Variants in PVR observed in about 807,000 individuals in gnomAD.
PVR encodes PVR cell adhesion molecule, also known as poliovirus receptor.
Under a neutral mutation model 43.3 loss-of-function variants are expected in PVR, and 39 were observed. That is an observed-to-expected ratio of 0.90 (90% CI 0.70 to 1.18). The LOEUF is 1.18. Among genes scored for constraint, PVR ranks in the 50% most tolerant of loss-of-function variants. The probability of loss-of-function intolerance (pLI) is 0.00; values close to 1 mark genes in which losing one functional copy is unlikely to be tolerated. For missense variants in PVR, 480 were observed against 549.7 expected, an observed-to-expected ratio of 0.87 and a Z score of 1.27; for synonymous variants, 224 against 233.2, an observed-to-expected ratio of 0.96 and a Z score of 0.36.
chr19:44,648,334 A>C (rs931935539), intron 2 of PVR, among the ~76,000 whole-genome samples: 3 of 152,166 alleles, frequency 2.0e-5, no homozygotes, highest in African/African-American at 7.2e-5. Context: ...ACAGGAAAGC[A>C]AGGATCCTGA....
At chr19:44,645,018 T>A (rs1267133798) in intron 1 of PVR, among the ~76,000 whole-genome samples, 2 of 112,530 alleles carry the variant, frequency 1.8e-5, no homozygotes, top group East Asian at 4.7e-4. Context: ...ATATATAATA[T>A]ATATTATAGT....
chr19:44,645,962 C>T (rs954450550), intron 1 of PVR, among the ~76,000 whole-genome samples: 2 of 152,078 alleles, frequency 1.3e-5, no homozygotes, highest in African/African-American at 4.8e-5. Flanking sequence ...CAGTCTCTGA[C>T]CGCCCAAGTT....
In PVR at chr19:44,655,098, T is replaced by A. The variant is rs567104214; in HGVS notation, c.842+1081T>A. On this transcript the variant is annotated intron_variant, in intron 4 of 7. Coordinates refer to ENST00000425690, the MANE Select transcript of PVR (RefSeq NM_006505.5). ...TTACATAATTTTACTGAACCGCCCT[T>A]TTTTTTTAAAGAAGGGGCTCTGTTG... Among the ~76,000 whole-genome samples the A allele has an allele frequency of 9.2e-5, 14 of 151,876 alleles. 1 individual carries two copies. The South Asian group carries it at 2.9e-3, about 32-fold the overall frequency.
At chr19:44,656,850 G>A (rs1191363439) in intron 4 of PVR, among the ~76,000 whole-genome samples, 1 of 152,162 alleles carries the variant, frequency 6.6e-6, no homozygotes, top group African/African-American at 2.4e-5. Context: ...GCATGCACCT[G>A]TAGTCCCAGC....
intron 4 of PVR, among the ~76,000 whole-genome samples, chr19:44,656,965 G>A (rs1384371224): frequency 2.7e-5 from 4 of 150,912 alleles, no homozygotes; most frequent in South Asian, 4.2e-4. Flanking sequence ...AGAGTGAGAC[G>A]CTGTCTCAAA....
At chr19:44,654,531 C>T (rs914470430) in intron 4 of PVR, among the ~76,000 whole-genome samples, 3 of 152,166 alleles carry the variant, frequency 2.0e-5, no homozygotes, top group Non-Finnish European at 4.4e-5. Flanking sequence ...GCTCTGTGCC[C>T]GGTACTTCCC....
intron 3 of PVR, among the ~76,000 whole-genome samples, 178 bp downstream of exon 3, chr19:44,650,283 C>T (rs1973244883): frequency 6.6e-6 from 1 of 152,324 alleles, no homozygotes; most frequent in African/African-American, 2.4e-5. Context: ...CCGTAAACAA[C>T]ACTGTCCCTA....
At chr19:44,657,049 G>A (rs1219850970) in intron 4 of PVR, among the ~76,000 whole-genome samples, 2 of 152,186 alleles carry the variant, frequency 1.3e-5, no homozygotes, top group Non-Finnish European at 2.9e-5. Context: ...GGGTGGCCAA[G>A]TGAGGTGTTA....
chr19:44,649,931 GGCGGGATGCCCAATACGA>G lies in PVR; in HGVS notation c.553_570del (p.Gly185_Ser190del). The G allele has an allele frequency of 1.2e-6, 2 of 1,612,832 alleles. No homozygotes were observed. Among genetic ancestry groups the G allele is most frequent in the Non-Finnish European group, 1.7e-6 (2 of 1,179,314 alleles). ...CCAAATCACCTGGCACTCAGACCTG[GGCGGGATGCCCAATACGA>G]GCCAGGTGCCAGGGTTCCTGTCTGG... is the stretch of plus-strand genomic sequence containing the variant. On this transcript the variant is annotated inframe_deletion, in exon 3 of 8. Transcript: ENST00000425690.
In PVR at chr19:44,664,204, G is replaced by GTTA. The variant is rs1555766538; in HGVS notation, c.*2395_*2396insATT. On this transcript the variant is annotated 3_prime_UTR_variant, in exon 8 of 8. Coordinates refer to ENST00000425690, the MANE Select transcript of PVR (RefSeq NM_006505.5). ...GTGCACTTTATTTATTTATTTATTT[G>GTTA]TTTATTTATTTATTTATTTTAGAAA... 3.3e-5 allele frequency: 5 copies of GTTA among 151,446 alleles called. No individual in the cohort carries two copies. The highest frequency in any genetic ancestry group is 1.2e-4 in the African/African-American group (5 of 41,206). 9.4% of individuals were successfully genotyped at this position (151,446 alleles called of 1,614,324 possible). A position where few individuals can be genotyped will look rare whatever the true frequency, so the allele number is the denominator to read the frequency against.
Position 44,664,928 on chromosome 19 carries a change from G to A in PVR, c.*3117G>A, listed in dbSNP as rs1973673652. 1 of 152,100 alleles carries A rather than the reference G, an allele frequency of 6.6e-6. No homozygotes were observed. The highest frequency in any genetic ancestry group is 2.4e-5 in the African/African-American group (1 of 41,408). 9.4% of individuals were successfully genotyped at this position (152,100 alleles called of 1,614,324 possible). A position where few individuals can be genotyped will look rare whatever the true frequency, so the allele number is the denominator to read the frequency against. On this transcript the variant is annotated 3_prime_UTR_variant, in exon 8 of 8. Coordinates refer to ENST00000425690, the MANE Select transcript of PVR (RefSeq NM_006505.5). ...GGAGGTGGAATTGCTGGGCCAAAGA[G>A]TATGTTTCTTGTCATTGTGATAGAT...
intron 1 of PVR, among the ~76,000 whole-genome samples, chr19:44,646,135 G>C (rs937382492): frequency 2.6e-5 from 4 of 152,156 alleles, no homozygotes; most frequent in Non-Finnish European, 5.9e-5. Context: ...AATAGCCCCT[G>C]ATCTGTGTCA....
In PVR at chr19:44,664,093, C is replaced by T. The variant is rs1052226611; in HGVS notation, c.*2282C>T. On this transcript the variant is annotated 3_prime_UTR_variant, in exon 8 of 8. Transcript: ENST00000425690. ...AATGAATGCCACTGAATCATACACT[C>T]AAAAATAGCTAAAATGGCAAATTGT... 2 of 152,104 alleles carry T rather than the reference C, an allele frequency of 1.3e-5. No individual in the cohort carries two copies. The highest frequency in any genetic ancestry group is 4.8e-5 in the African/African-American group (2 of 41,390). 9.4% of individuals were successfully genotyped at this position (152,104 alleles called of 1,614,324 possible).
chr19:44,648,984 A>G (rs909443030), intron 2 of PVR, among the ~76,000 whole-genome samples: 1 of 152,208 alleles, frequency 6.6e-6, no homozygotes, highest in African/African-American at 2.4e-5. Flanking sequence ...AGTCAGACAG[A>G]CTTTATGTGA....
rs111862619 is a variant in PVR at position 44,648,487 on chromosome 19, C to CT, written c.427+930dup. Among the ~76,000 whole-genome samples the CT allele has an allele frequency of 2.7e-3, 381 of 143,740 alleles. 4 individuals carry two copies. The highest frequency in any genetic ancestry group is 0.013 in the South Asian group (59 of 4,504). 94.3% of individuals were successfully genotyped at this position (143,740 alleles called of 152,430 possible). On this transcript the variant is annotated intron_variant, in intron 2 of 7. Transcript: ENST00000425690. ...CCATGAGGATTCAAAAAAACTGACC[C>CT]TTTTTTTTTTTTTGAGATAGTTTAG...
At chr19:44,649,355 AG>A (rs1284450669) in intron 2 of PVR, among the ~76,000 whole-genome samples, 7 of 151,640 alleles carry the variant, frequency 4.6e-5, no homozygotes, top group Non-Finnish European at 1.0e-4. Context: ...AAGGAAACTG[AG>A]GCACAGACTT....
In PVR at chr19:44,658,894, C is replaced by T; in HGVS notation, c.1144C>T (p.Pro382Ser). 6.2e-7 allele frequency: 1 copy of T among 1,613,810 alleles called. No individual in the cohort carries two copies. Residue 382 changes from proline to serine, a missense_variant, in exon 6 of 8, where the codon CCC becomes TCC. Transcript: ENST00000425690. ...REVLWHCHLCPSSTEHASASA... is the reference protein window; with the variant it reads ...REVLWHCHLCSSSTEHASASA... ...GGTCCTTTGGCACTGTCATCTGTGT[C>T]CCTCGAGTGAGCATCACCAGAGCTG... is the stretch of plus-strand genomic sequence containing the variant.
Position 44,647,560 on chromosome 19 carries a change from C to A in PVR, c.417C>A (p.Leu139=). 1 of 1,609,468 alleles carries A rather than the reference C, an allele frequency of 6.2e-7. No homozygotes were observed. Among genetic ancestry groups the A allele is most frequent in the Non-Finnish European group, 8.5e-7 (1 of 1,177,140 alleles). ...GCAGCAGGAGCGTGGATATCTGGCT[C>A]CGAGTGCTTGGTGAGCAGGGGGTTT... is the stretch of plus-strand genomic sequence containing the variant. ...PQGSRSVDIW[L]RVLAKPQNTA... The change falls in exon 2 of 8, where the codon CTC becomes CTA. Residue 139 remains leucine (L), a synonymous_variant. Transcript: ENST00000425690.
rs71171276 is a variant in PVR at position 44,645,415 on chromosome 19, G to GTATATATATATATATA, written c.79+1255_79+1270dup. ...TTTATTATTTATTTATATGTTTTGT[G>GTATATATATATATATA]TATATATATATATATATATATATAT... is the stretch of plus-strand genomic sequence containing the variant. On this transcript the variant is annotated intron_variant, in intron 1 of 7. Coordinates refer to ENST00000425690, the MANE Select transcript of PVR (RefSeq NM_006505.5). 5.1e-3 allele frequency among the ~76,000 whole-genome samples: 423 copies of GTATATATATATATATA among 83,732 alleles called. 4 individuals are homozygous for GTATATATATATATATA. Among genetic ancestry groups the GTATATATATATATATA allele is most frequent in the East Asian group, 0.016 (43 of 2,668 alleles). 54.9% of individuals were successfully genotyped at this position (83,732 alleles called of 152,430 possible). A position where few individuals can be genotyped will look rare whatever the true frequency, so the allele number is the denominator to read the frequency against.
Sources: allele counts gnomAD v4.1 joint callset (sites outside exome capture counted in the v4.1 genomes callset), GRCh38; gene constraint gnomAD v4.1.1; transcripts MANE v1.5; gene names NCBI Gene and HGNC (gene_info 2026-07-23, HGNC 2026-07-21).